The following STX11 variants were observed in gnomAD, a reference collection of about 807,000 sequenced individuals.
The protein encoded by STX11 is syntaxin-11.
STX11 carries 21 observed loss-of-function variants against 19.9 expected under a neutral mutation model. The observed-to-expected ratio is 1.06, with a 90% CI of 0.75 to 1.52. The LOEUF (loss-of-function observed/expected upper bound fraction) is 1.52. STX11 is among the 40% of genes most tolerant of loss of function. STX11 has a pLI of 0.00. For synonymous variants in STX11, 193 were observed against 174.4 expected, an observed-to-expected ratio of 1.11 and a Z score of -0.84; for missense variants, 438 against 405.9, an observed-to-expected ratio of 1.08 and a Z score of -0.68.
upstream of STX11, among the ~76,000 whole-genome samples, chr6:144,146,614 T>C (rs1404563899): frequency 6.6e-6 from 1 of 152,184 alleles, no homozygotes; most frequent in Non-Finnish European, 1.5e-5. This position sits in a 1 kb window ranked among gnomAD's most constrained non-coding sequence, Gnocchi z 4.4. Flanking sequence ...GTCCAGCTCT[T>C]GCTTTTAATT....
chr6:144,167,617 CT>C lies in STX11; in HGVS notation c.-6+16920del, dbSNP rs576689128. On this transcript the variant is annotated intron_variant, in intron 1 of 1. Coordinates refer to ENST00000367568, the MANE Select transcript of STX11 (RefSeq NM_003764.4). This position sits in a 1 kb window ranked among gnomAD's most constrained non-coding sequence, Gnocchi z 5.0. ...CAATCACTTCTCCTTTTTTTCATTTCTTTTTTATTTTCTTTTTTTGAGACAA... is the reference window on the plus strand; with the variant it reads ...CAATCACTTCTCCTTTTTTTCATTTCTTTTTATTTTCTTTTTTTGAGACAA... Among the ~76,000 whole-genome samples, 160 of 152,120 alleles carry C rather than the reference CT, an allele frequency of 1.1e-3. No individual in the cohort carries two copies. Among genetic ancestry groups the C allele is most frequent in the African/African-American group, 3.9e-3 (160 of 41,502 alleles).
intron 1 of STX11, among the ~76,000 whole-genome samples, chr6:144,156,055 C>T (rs56793251): frequency 3.6e-4 from 42 of 116,142 alleles, no homozygotes; most frequent in African/African-American, 1.4e-3. Context: ...TCCTTCCCCT[C>T]CCCTCCCCTC....
At position 144,183,175 on chromosome 6, in the gene STX11, CAAAG is replaced by C. The variant is rs1008498933; in HGVS notation, c.-5-3444_-5-3441del. 2.6e-5 allele frequency among the ~76,000 whole-genome samples: 4 copies of C among 152,170 alleles called. No homozygotes were observed. Among genetic ancestry groups the C allele is most frequent in the African/African-American group, 9.7e-5 (4 of 41,442 alleles). On this transcript the variant is annotated intron_variant, in intron 1 of 1. Coordinates refer to ENST00000367568, the MANE Select transcript of STX11 (RefSeq NM_003764.4). The surrounding 1 kb of genome is among the most constrained non-coding windows in gnomAD (Gnocchi z 4.6). ...TTAAACCATGTATAATTCCACAACTCAAAGAAAACTATAATTAACACTTTGATGT... is the reference window on the plus strand; with the variant it reads ...TTAAACCATGTATAATTCCACAACTCAAAACTATAATTAACACTTTGATGT...
In STX11 at chr6:144,177,675, G is replaced by A. The variant is rs1005140028; in HGVS notation, c.-5-8948G>A. On this transcript the variant is annotated intron_variant, in intron 1 of 1. Transcript: ENST00000367568. The surrounding 1 kb of genome is among the most constrained non-coding windows in gnomAD (Gnocchi z 4.4). Reference sequence around the variant, plus strand: ...TGAGGCAGGAGAATTGCTTGAACCCGGGAGGCAAAGGTTGCGGTGAGCCAA... The same window carrying A: ...TGAGGCAGGAGAATTGCTTGAACCCAGGAGGCAAAGGTTGCGGTGAGCCAA... 6.6e-6 allele frequency among the ~76,000 whole-genome samples: 1 copy of A among 152,106 alleles called. No homozygotes were observed.
the STX11 span, among the ~76,000 whole-genome samples, chr6:144,145,162 G>A: frequency 6.6e-6 from 1 of 152,162 alleles, no homozygotes; most frequent in African/African-American, 2.4e-5. Context: ...CCATTGACAG[G>A]TGAATGGATA....
intron 1 of STX11, among the ~76,000 whole-genome samples, chr6:144,171,683 A>G (rs1259786854): frequency 6.6e-6 from 1 of 151,702 alleles, no homozygotes; most frequent in East Asian, 1.9e-4. Flanking sequence ...TTTGTGTGGA[A>G]GCTGTGTGTG....
rs1802176174 is a variant in STX11 at position 144,190,045 on chromosome 6, T to A, written c.*2554T>A. Among the ~76,000 whole-genome samples, 1 of 152,248 alleles carries A rather than the reference T, an allele frequency of 6.6e-6. No homozygotes were observed. Among genetic ancestry groups the A allele is most frequent in the Non-Finnish European group, 1.5e-5 (1 of 68,044 alleles). The stretch of plus-strand genomic sequence containing the variant: ...AAAGTAAGTGAGTTTTCAGGCTCTA[T>A]ATACATTTTAATTCCTCACGTTTTA... On this transcript the variant is annotated 3_prime_UTR_variant, in exon 2 of 2. Transcript: ENST00000367568.
chr6:144,166,282 T>C (rs1419920966), intron 1 of STX11, among the ~76,000 whole-genome samples: 1 of 152,184 alleles, frequency 6.6e-6, no homozygotes, highest in East Asian at 1.9e-4. Context: ...ATTGTTAATT[T>C]GTTCCCAAAA....
Position 144,151,432 on chromosome 6 carries a change from C to A in STX11, c.-6+729C>A. 1 of 985,248 alleles carries A rather than the reference C, an allele frequency of 1.0e-6. No homozygotes were observed. Among genetic ancestry groups the A allele is most frequent in the Non-Finnish European group, 1.2e-6 (1 of 829,794 alleles). 61.0% of individuals were successfully genotyped at this position (985,248 alleles called of 1,614,324 possible). Reference sequence around the variant, plus strand: ...TATCCAAAAATGAGTCACAGGGCTGCTCTCTTAATTGTGAGACTTTGTTAA... The same window carrying A: ...TATCCAAAAATGAGTCACAGGGCTGATCTCTTAATTGTGAGACTTTGTTAA... On this transcript the variant is annotated intron_variant, in intron 1 of 1. Coordinates refer to ENST00000367568, the MANE Select transcript of STX11 (RefSeq NM_003764.4). This position sits in a 1 kb window ranked among gnomAD's most constrained non-coding sequence, Gnocchi z 4.6.
chr6:144,158,572 A>G (rs781400513), intron 1 of STX11, among the ~76,000 whole-genome samples: 2 of 152,004 alleles, frequency 1.3e-5, no homozygotes, highest in Non-Finnish European at 2.9e-5. Context: ...GTCTAATAAG[A>G]TCAGAGATAA....
rs1801106510 is a variant in STX11, at chr6:144,155,252, T to C, written c.-6+4549T>C. Among the ~76,000 whole-genome samples the C allele has an allele frequency of 6.6e-6, 1 of 152,188 alleles. No homozygotes were observed. Among genetic ancestry groups the C allele is most frequent in the South Asian group, 2.1e-4 (1 of 4,828 alleles). ...CAATTAATGTTGTACCCAAACTGAA[T>C]CAGCAAACTCACTTATTGAAGCTTT... is the stretch of plus-strand genomic sequence containing the variant. On this transcript the variant is annotated intron_variant, in intron 1 of 1. Transcript: ENST00000367568. This position sits in a 1 kb window ranked among gnomAD's most constrained non-coding sequence, Gnocchi z 4.5.
rs1332494622 is a variant in STX11 at position 144,174,116 on chromosome 6, G to A, written c.-5-12507G>A. On this transcript the variant is annotated intron_variant, in intron 1 of 1. Coordinates refer to ENST00000367568, the MANE Select transcript of STX11 (RefSeq NM_003764.4). This position sits in a 1 kb window ranked among gnomAD's most constrained non-coding sequence, Gnocchi z 5.3. ...TTAGCTGGTGGTTGTGCTCAGCCTC[G>A]AGTACTGCTCAGCTGGGCATCATCT... 2.0e-5 allele frequency among the ~76,000 whole-genome samples: 3 copies of A among 152,152 alleles called. No individual in the cohort carries two copies. Among genetic ancestry groups the A allele is most frequent in the African/African-American group, 4.8e-5 (2 of 41,440 alleles).
chr6:144,158,511 A>G (rs1026971594), intron 1 of STX11, among the ~76,000 whole-genome samples: 4 of 152,238 alleles, frequency 2.6e-5, no homozygotes, highest in African/African-American at 9.6e-5. Flanking sequence ...GTTTCAGGAT[A>G]TCTTATGCCA....
At chr6:144,158,738 T>G (rs1433607182) in intron 1 of STX11, among the ~76,000 whole-genome samples, 1 of 152,240 alleles carries the variant, frequency 6.6e-6, no homozygotes, top group African/African-American at 2.4e-5. Flanking sequence ...AGGAGAATGT[T>G]AAGCATTCAT....
At position 144,187,316 on chromosome 6, in the gene STX11, A is replaced by C; in HGVS notation, c.689A>C (p.Gln230Pro). 1 of 1,611,686 alleles carries C rather than the reference A, an allele frequency of 6.2e-7. No individual in the cohort carries two copies. Among genetic ancestry groups the C allele is most frequent in the Non-Finnish European group, 8.5e-7 (1 of 1,179,962 alleles). ...RIRDVHELFLQMAVLVEKQAD... is the reference protein window; with the variant it reads ...RIRDVHELFLPMAVLVEKQAD... ...CGCGACGTACACGAGCTCTTCTTGC[A>C]GATGGCGGTGCTGGTGGAGAAGCAG... Residue 230 changes from glutamine (Q) to proline (P), a missense_variant, in exon 2 of 2, where the codon CAG becomes CCG. Gln to Pro is a moderately conservative substitution (Grantham distance 76). Coordinates refer to ENST00000367568, the MANE Select transcript of STX11 (RefSeq NM_003764.4). This position sits in a 1 kb window ranked among gnomAD's most constrained non-coding sequence, Gnocchi z 5.6.
chr6:144,159,790 G>T lies in STX11; in HGVS notation c.-6+9087G>T, dbSNP rs192591147. On this transcript the variant is annotated intron_variant, in intron 1 of 1. Coordinates refer to ENST00000367568, the MANE Select transcript of STX11 (RefSeq NM_003764.4). This position sits in a 1 kb window ranked among gnomAD's most constrained non-coding sequence, Gnocchi z 4.3. ...AGGATCTGATTACTACGGCCTAGGA[G>T]GGTGCTTGACAGATTTGCTTTTGGG... Among the ~76,000 whole-genome samples, 6 of 152,220 alleles carry T rather than the reference G, an allele frequency of 3.9e-5. 1 individual carries two copies. The East Asian group carries it at 1.2e-3, about 29-fold the overall frequency.
upstream of STX11, among the ~76,000 whole-genome samples, chr6:144,148,711 G>A (rs939001962): frequency 6.6e-6 from 1 of 152,006 alleles, no homozygotes; most frequent in Non-Finnish European, 1.5e-5. Flanking sequence ...TAGTTTTCAC[G>A]TCTCCTGAGT....
Position 144,180,062 on chromosome 6 carries a change from G to T in STX11, c.-5-6561G>T, listed in dbSNP as rs1235872742. ...CTGATCTCCATAATAAGCTTCACAA[G>T]GTTTGCTGTGTGCCTTGAGCTGCTC... On this transcript the variant is annotated intron_variant, in intron 1 of 1. Coordinates refer to ENST00000367568, the MANE Select transcript of STX11 (RefSeq NM_003764.4). The surrounding 1 kb of genome is among the most constrained non-coding windows in gnomAD (Gnocchi z 5.3). 3.9e-5 allele frequency among the ~76,000 whole-genome samples: 6 copies of T among 152,156 alleles called. No individual in the cohort carries two copies. Among genetic ancestry groups the T allele is most frequent in the Admixed American group, 3.9e-4 (6 of 15,278 alleles).
At chr6:144,141,378 G>T in the STX11 span, among the ~76,000 whole-genome samples, 1 of 152,278 alleles carries the variant, frequency 6.6e-6, no homozygotes, top group Non-Finnish European at 1.5e-5. Flanking sequence ...ATGCAATAGT[G>T]TCAATTCAGG....
Sources: gnomAD v4.1 joint callset for allele counts (sites outside exome capture counted in the v4.1 genomes callset) on GRCh38, gnomAD v4.1.1 for gene constraint, Gnocchi (gnomAD v3.1) non-coding constraint, MANE v1.5 for transcripts, NCBI Gene and HGNC (gene_info 2026-07-23, HGNC 2026-07-21) for gene names.